The following PHIP variants were observed in gnomAD, a reference collection of about 807,000 sequenced individuals.
PHIP encodes PHIP subunit of CUL4-Ring ligase complex.
Under a neutral mutation model 236.8 loss-of-function variants are expected in PHIP, and 54 were observed. The ratio of observed to expected loss-of-function variants is 0.23; its 90% confidence interval spans 0.18 to 0.29. PHIP has a LOEUF of 0.29. Among genes scored for constraint, PHIP ranks in the 10% least tolerant of loss-of-function variants. The probability of loss-of-function intolerance (pLI) is 1.00; values close to 1 mark genes in which losing one functional copy is unlikely to be tolerated. For missense variants in PHIP, 1,370 were observed against 2,190.8 expected (o/e 0.63, Z 7.48); for synonymous variants, 756 against 718.9 (o/e 1.05, Z -0.83).
Position 78,965,558 on chromosome 6 carries a change from A to G in PHIP, c.3379+145T>C, listed in dbSNP as rs3763160. 604 of 544,224 alleles carry G rather than the reference A, an allele frequency of 1.1e-3. 7 individuals carry two copies. Among genetic ancestry groups the G allele is most frequent in the South Asian group, 7.5e-3 (223 of 29,702 alleles). 33.7% of individuals were successfully genotyped at this position (544,224 alleles called of 1,614,324 possible). On this transcript the variant is annotated intron_variant, in intron 29 of 39. Transcript: ENST00000275034. ...TCACTGCTGAATCTCCCCTACTTCA[A>G]GGTGTACAATAATAAATATTTGCCA... is the stretch of plus-strand genomic sequence containing the variant.
chr6:78,969,686 A>C (rs1047722193), intron 27 of PHIP, 149 bp downstream of exon 27: 4 of 443,290 alleles, frequency 9.0e-6, no homozygotes, highest in Non-Finnish European at 1.6e-5. Flanking sequence ...AATACCTCTG[A>C]CATAGTATCT....
At position 78,936,894 on chromosome 6, in the gene PHIP, T is replaced by G. The variant is rs941424660; in HGVS notation, c.*3799A>C. 6.6e-6 allele frequency: 1 copy of G among 151,832 alleles called. No homozygotes were observed. Among genetic ancestry groups the G allele is most frequent in the Non-Finnish European group, 1.5e-5 (1 of 67,744 alleles). 9.4% of individuals were successfully genotyped at this position (151,832 alleles called of 1,614,324 possible). A position where few individuals can be genotyped will look rare whatever the true frequency, so the allele number is the denominator to read the frequency against. On this transcript the variant is annotated 3_prime_UTR_variant, in exon 40 of 40. Transcript: ENST00000275034. ...ATTTTAGTTCAGATCACTTGGAAAT[T>G]AGGGGAACTAAGGGAAACTGCAAGG...
chr6:79,025,682 T>C, intron 8 of PHIP, 63 bp from the exon 9 acceptor site: 1 of 1,083,524 alleles, frequency 9.2e-7, no homozygotes, highest in Non-Finnish European at 1.4e-6. Flanking sequence ...TAAAATCTAC[T>C]TTTTGCCATA....
At chr6:78,944,504 A>G (rs1218535896) in intron 39 of PHIP, among the ~76,000 whole-genome samples, 1 of 152,166 alleles carries the variant, frequency 6.6e-6, no homozygotes, top group African/African-American at 2.4e-5. Context: ...GGAGGTGAGA[A>G]TGGAGAGGAG....
intron 22 of PHIP, among the ~76,000 whole-genome samples, chr6:78,984,708 T>C (rs1162931032): frequency 6.6e-6 from 1 of 152,206 alleles, no homozygotes; most frequent in Non-Finnish European, 1.5e-5. Context: ...AGGAGAGCCC[T>C]TGATTGTACA....
In PHIP at chr6:79,078,039, C is replaced by T. The variant is rs761349775; in HGVS notation, c.30G>A (p.Glu10=). The change falls in exon 1 of 40, where the codon GAG becomes GAA. Residue 10 remains glutamate, a synonymous_variant. Coordinates refer to ENST00000275034, the MANE Select transcript of PHIP (RefSeq NM_017934.7). ...AGCCCCCCGACTTACCCGATCGCAG[C>T]TCCGAGAGGCCTTTCCTCTCACAAG... MSCERKGLS[E]LRSELYFLIA... The T allele has an allele frequency of 2.5e-6, 4 of 1,609,304 alleles. No individual in the cohort carries two copies. Among genetic ancestry groups the T allele is most frequent in the African/African-American group, 2.7e-5 (2 of 74,726 alleles).
At chr6:79,004,292 T>C in intron 15 of PHIP, 2 of 473,626 alleles carry the variant, frequency 4.2e-6, no homozygotes, top group South Asian at 9.1e-5. Context: ...GATTTTATTA[T>C]TTTTGGTAAT....
intron 15 of PHIP, 98 bp downstream of exon 15, chr6:79,014,984 C>G: frequency 1.1e-6 from 1 of 933,136 alleles, no homozygotes; most frequent in Non-Finnish European, 1.6e-6. Flanking sequence ...AAATAATGAA[C>G]CAATTTTTAA....
chr6:79,003,622 T>G (rs1780485300), intron 16 of PHIP, 108 bp downstream of exon 16: 1 of 737,980 alleles, frequency 1.4e-6, no homozygotes, highest in Admixed American at 3.4e-5. Flanking sequence ...TTCTTCGAAT[T>G]TTATCCTGAA....
At chr6:79,073,588 T>A (rs1774000689) in intron 4 of PHIP, among the ~76,000 whole-genome samples, 2 of 152,026 alleles carry the variant, frequency 1.3e-5, no homozygotes, top group African/African-American at 4.8e-5. Context: ...TCCCTGAAAG[T>A]TGTCTCTAGG....
At chr6:78,953,807 A>T (rs1766219583) in intron 35 of PHIP, among the ~76,000 whole-genome samples, 1 of 152,066 alleles carries the variant, frequency 6.6e-6, no homozygotes, top group South Asian at 2.1e-4. Flanking sequence ...GCTGGTCTTG[A>T]ACTCCTGGCC....
At chr6:79,030,896 A>G (rs924381367) in intron 7 of PHIP, among the ~76,000 whole-genome samples, 1 of 152,104 alleles carries the variant, frequency 6.6e-6, no homozygotes, top group African/African-American at 2.4e-5. Flanking sequence ...CAAAGATAAG[A>G]GAGTAGTAAA....
rs1769195535 is a variant in PHIP at position 78,990,860 on chromosome 6, A to G, written c.2319+8T>C. The G allele has an allele frequency of 6.9e-7, 1 of 1,450,164 alleles. No individual in the cohort carries two copies. The highest frequency in any genetic ancestry group is 9.6e-7 in the Non-Finnish European group (1 of 1,041,140). 89.8% of individuals were successfully genotyped at this position (1,450,164 alleles called of 1,614,324 possible). ...CAAATATTAAACATCAAAATAATTAATATGTACCTTTGAGACAGTGGGTAT... is the reference window on the plus strand; with the variant it reads ...CAAATATTAAACATCAAAATAATTAGTATGTACCTTTGAGACAGTGGGTAT... On this transcript the variant is annotated splice_region_variant and intron_variant, in intron 20 of 39. Coordinates refer to ENST00000275034, the MANE Select transcript of PHIP (RefSeq NM_017934.7).
intron 31 of PHIP, among the ~76,000 whole-genome samples, chr6:78,959,523 C>T (rs117212578): frequency 0.029 from 4,369 of 151,846 alleles, 87 homozygotes; most frequent in Non-Finnish European, 0.042. Flanking sequence ...AGAAGTTTCA[C>T]GAAAGAAAAA....
At chr6:78,947,932 A>G (rs991990418) in intron 35 of PHIP, among the ~76,000 whole-genome samples, 157 bp from the exon 36 acceptor site, 1 of 145,808 alleles carries the variant, frequency 6.9e-6, no homozygotes, top group South Asian at 2.4e-4. Context: ...TTTTCTAATA[A>G]TTCTTATTTA....
intron 4 of PHIP, among the ~76,000 whole-genome samples, chr6:79,063,545 AGCT>A (rs994865563): frequency 3.9e-5 from 6 of 152,024 alleles, no homozygotes; most frequent in African/African-American, 1.4e-4. Flanking sequence ...CCTCCCGAGT[AGCT>A]GGAATTACAG....
chr6:79,033,908 A>G (rs1771793374), intron 7 of PHIP, among the ~76,000 whole-genome samples: 1 of 152,142 alleles, frequency 6.6e-6, no homozygotes. Context: ...AGGGTTATTA[A>G]TTGGATTAAT....
In PHIP at chr6:79,078,251, G is replaced by T; in HGVS notation, c.-183C>A. On this transcript the variant is annotated 5_prime_UTR_variant, in exon 1 of 40. Coordinates refer to ENST00000275034, the MANE Select transcript of PHIP (RefSeq NM_017934.7). ...GAGGAAACAACAACTCTCAGGCAGC[G>T]ACTACGGCCGTGGCCGCCTCCGCCG... 2 of 569,282 alleles carry T rather than the reference G, an allele frequency of 3.5e-6. No homozygotes were observed. The highest frequency in any genetic ancestry group is 2.2e-5 in the South Asian group (1 of 44,746). The allele number at this position is 569,282 out of a possible 1,614,324, so 35.3% of individuals were successfully genotyped here. A position where few individuals can be genotyped will look rare whatever the true frequency, so the allele number is the denominator to read the frequency against.
chr6:79,033,416 T>C (rs1049225110), intron 7 of PHIP, among the ~76,000 whole-genome samples: 1 of 152,242 alleles, frequency 6.6e-6, no homozygotes, highest in Non-Finnish European at 1.5e-5. Flanking sequence ...AGCAACTTTC[T>C]TCAATGATCT....
Sources: gnomAD v4.1 joint callset for allele counts (sites outside exome capture counted in the v4.1 genomes callset) on GRCh38, gnomAD v4.1.1 for gene constraint, MANE v1.5 for transcripts, NCBI Gene and HGNC (gene_info 2026-07-23, HGNC 2026-07-21) for gene names.